The following CEP295 variants were observed in gnomAD, a reference collection of about 807,000 sequenced individuals.
The protein encoded by CEP295 is centrosomal protein 295.
Under a neutral mutation model 291.6 loss-of-function variants are expected in CEP295, and 190 were observed. The ratio of observed to expected loss-of-function variants is 0.65; its 90% CI spans 0.58 to 0.73. The LOEUF is 0.73. Ranked by LOEUF, CEP295 falls within the 30% of genes least tolerant of loss-of-function variation. CEP295 has a pLI of 0.00. For synonymous variants in CEP295, 993 were observed against 1,038.8 expected (o/e 0.96, Z 0.85); for missense variants, 2,863 against 2,949.4 (o/e 0.97, Z 0.68).
At chr11:93,704,237 GTA>G (rs1172263739) in intron 17 of CEP295, among the ~76,000 whole-genome samples, 16 of 152,058 alleles carry the variant, frequency 1.1e-4, no homozygotes, top group Non-Finnish European at 2.4e-4. Flanking sequence ...ATCCCCATTA[GTA>G]TAGTAGTTGA....
At chr11:93,673,666 G>T (rs1460702984) in intron 5 of CEP295, among the ~76,000 whole-genome samples, 2 of 151,636 alleles carry the variant, frequency 1.3e-5, no homozygotes, top group Admixed American at 6.6e-5. Context: ...GCTAATTTTT[G>T]ATTTTTAGTA....
At chr11:93,708,201 T>C (rs146395619) in intron 18 of CEP295, among the ~76,000 whole-genome samples, 33 of 152,310 alleles carry the variant, frequency 2.2e-4, no homozygotes, top group East Asian at 3.9e-4. Context: ...GTTTTAGTTA[T>C]TGCAAAATGT....
intron 10 of CEP295, among the ~76,000 whole-genome samples, chr11:93,690,937 G>A (rs573442857): frequency 6.6e-6 from 1 of 152,158 alleles, no homozygotes; most frequent in East Asian, 1.9e-4. Flanking sequence ...ACATCTTCAT[G>A]TTGTTTACCT....
At chr11:93,704,087 A>T (rs543328273) in intron 17 of CEP295, among the ~76,000 whole-genome samples, 7 of 152,172 alleles carry the variant, frequency 4.6e-5, no homozygotes, top group African/African-American at 1.7e-4. Context: ...GTAATTCTTA[A>T]TAAATAGTCT....
rs183570519 is a variant in CEP295, at chr11:93,695,941, G to A, written c.1671+307G>A. Among the ~76,000 whole-genome samples the A allele has an allele frequency of 2.0e-4, 30 of 152,260 alleles. No homozygotes were observed. In the East Asian group the frequency reaches 3.9e-3, roughly 20 times the overall value. On this transcript the variant is annotated intron_variant, in intron 13 of 29. Transcript: ENST00000325212. ...CAGGAGAATCGCTTGAACCTGGGAG[G>A]TGGAGGTTGCAGAGTGAGATTCCAT...
intron 25 of CEP295, 101 bp from the exon 26 acceptor site, chr11:93,729,333 C>T (rs1318411158): frequency 9.2e-6 from 7 of 763,068 alleles, no homozygotes; most frequent in Non-Finnish European, 1.3e-5. Context: ...ATTGAGGCTG[C>T]AGTGAGGTGT....
Position 93,702,460 on chromosome 11 carries a change from A to G in CEP295, c.5275A>G (p.Ile1759Val), listed in dbSNP as rs1259606190. 2.0e-6 allele frequency: 3 copies of G among 1,518,362 alleles called. No individual in the cohort carries two copies. The highest frequency in any genetic ancestry group is 2.6e-5 in the South Asian group (2 of 77,634). 94.1% of individuals were successfully genotyped at this position (1,518,362 alleles called of 1,614,324 possible). A position where few individuals can be genotyped will look rare whatever the true frequency, so the allele number is the denominator to read the frequency against. Residue 1759 changes from isoleucine to valine, a missense_variant and splice_region_variant, in exon 16 of 30, where the codon ATA becomes GTA. Ile to Val is a conservative substitution (Grantham distance 29). Transcript: ENST00000325212. ...TLKDFFKDSQ[I>V]SKPTVENDLK... ...CCCACCCTCATCTCCACTTTTTCAG[A>G]TAAGTAAGCCCACAGTTGAAAATGA... is the stretch of plus-strand genomic sequence containing the variant.
Position 93,666,627 on chromosome 11 carries a change from C to T in CEP295, c.-26-55C>T, listed in dbSNP as rs927420158. The T allele has an allele frequency of 1.2e-5, 8 of 678,600 alleles. No homozygotes were observed. The East Asian group carries it at 1.4e-4, about 12-fold the overall frequency. 42.0% of individuals were successfully genotyped at this position (678,600 alleles called of 1,614,324 possible). A position where few individuals can be genotyped will look rare whatever the true frequency, so the allele number is the denominator to read the frequency against. On this transcript the variant is annotated intron_variant, in intron 1 of 29. Transcript: ENST00000325212. ...ACAAACAAAATTATTCTAATCTTTG[C>T]TGCCCTATTTTAATGTTACATTATT...
chr11:93,672,193 A>G (rs1031320966), intron 5 of CEP295, among the ~76,000 whole-genome samples: 3 of 152,172 alleles, frequency 2.0e-5, no homozygotes, highest in Non-Finnish European at 4.4e-5. Flanking sequence ...TTTTACTGTG[A>G]CACTTAGCTT....
chr11:93,706,150 G>C (rs1373012838), intron 17 of CEP295, among the ~76,000 whole-genome samples: 2 of 152,266 alleles, frequency 1.3e-5, no homozygotes, highest in South Asian at 2.1e-4. Flanking sequence ...TCAGGAGAGG[G>C]ATAACTCTTC....
chr11:93,727,459 T>C lies in CEP295; in HGVS notation c.6983T>C (p.Val2328Ala), dbSNP rs750683476. ...GACTCTCGATTATGTGTAAGAACAG[T>C]GGAGATGGGAACTTCAATTCAGGCA... The part of the protein sequence containing the change: ...ETDSRLCVRT[V>A]EMGTSIQAPY... Residue 2328 changes from valine to alanine, a missense_variant, in exon 24 of 30, where the codon GTG (valine) becomes GCG (alanine). Val to Ala is a moderately conservative substitution (Grantham distance 64). Transcript: ENST00000325212. The C allele has an allele frequency of 1.2e-5, 18 of 1,551,828 alleles. No individual in the cohort carries two copies. In the African/African-American group the frequency reaches 2.5e-4, roughly 21 times the overall value.
intron 17 of CEP295, among the ~76,000 whole-genome samples, chr11:93,705,593 C>G (rs1952461364): frequency 6.6e-6 from 1 of 152,044 alleles, no homozygotes; most frequent in Non-Finnish European, 1.5e-5. Flanking sequence ...TTTTTTATAG[C>G]ATCCTGCTAT....
Position 93,723,969 on chromosome 11 carries a change from A to AT in CEP295, c.6197-279dup, listed in dbSNP as rs1311080765. On this transcript the variant is annotated intron_variant, in intron 21 of 29. Coordinates refer to ENST00000325212, the MANE Select transcript of CEP295 (RefSeq NM_033395.2). ...GACCCCATCTCTATTTTAAAAAAAA[A>AT]TTTTTTAAATTTAAAAAAATTAAAT... 1.4e-4 allele frequency: 24 copies of AT among 173,472 alleles called. No individual in the cohort carries two copies. In the East Asian group the frequency reaches 1.7e-3, roughly 13 times the overall value. The allele number at this position is 173,472 out of a possible 1,614,324, so 10.7% of individuals were successfully genotyped here.
chr11:93,694,520 C>A (rs115576883), intron 12 of CEP295, among the ~76,000 whole-genome samples: 1 of 152,244 alleles, frequency 6.6e-6, no homozygotes, highest in African/African-American at 2.4e-5. Context: ...TTTGACATAT[C>A]AAAATTGCCA....
chr11:93,707,501 C>A (rs760274943), intron 18 of CEP295, among the ~76,000 whole-genome samples: 6 of 152,142 alleles, frequency 3.9e-5, no homozygotes, highest in Non-Finnish European at 5.9e-5. Context: ...CAGTGGCTCA[C>A]ATCTGTAATC....
intron 18 of CEP295, among the ~76,000 whole-genome samples, chr11:93,716,975 T>C (rs1198913486): frequency 2.0e-5 from 3 of 152,180 alleles, no homozygotes; most frequent in African/African-American, 7.2e-5. Flanking sequence ...TATAAACTTA[T>C]ACCATAAAAC....
Position 93,669,662 on chromosome 11 carries a change from C to T in CEP295, c.435-15C>T. 6.6e-7 allele frequency: 1 copy of T among 1,506,286 alleles called. No homozygotes were observed. Among genetic ancestry groups the T allele is most frequent in the Non-Finnish European group, 9.0e-7 (1 of 1,106,480 alleles). The allele number at this position is 1,506,286 out of a possible 1,614,324, so 93.3% of individuals were successfully genotyped here. Reference sequence around the variant, plus strand: ...TCACTGAGAGATTAATTGATGACATCTCTTGTTTCTTAAGGCATATAAAAG... The same window carrying T: ...TCACTGAGAGATTAATTGATGACATTTCTTGTTTCTTAAGGCATATAAAAG... On this transcript the variant is annotated splice_polypyrimidine_tract_variant and intron_variant, in intron 4 of 29. Transcript: ENST00000325212.
intron 10 of CEP295, among the ~76,000 whole-genome samples, chr11:93,689,845 A>G (rs1951429319): frequency 6.6e-6 from 1 of 152,198 alleles, no homozygotes. Context: ...TCGTTGAATT[A>G]ATTGAATAAT....
chr11:93,695,172 C>A (rs909218489), intron 12 of CEP295, among the ~76,000 whole-genome samples: 3 of 152,198 alleles, frequency 2.0e-5, no homozygotes, highest in Non-Finnish European at 2.9e-5. Context: ...TTTGGCTGTA[C>A]ATCATTTGCT....
Sources: gnomAD v4.1 joint callset for allele counts (sites outside exome capture counted in the v4.1 genomes callset) on GRCh38, gnomAD v4.1.1 for gene constraint, MANE v1.5 for transcripts, NCBI Gene and HGNC (gene_info 2026-07-23, HGNC 2026-07-21) for gene names.